The following PRKN variants were observed in gnomAD, a reference collection of about 807,000 sequenced individuals.
PRKN encodes parkin RBR E3 ubiquitin protein ligase.
In PRKN, 56 loss-of-function variants were observed where a neutral mutation model predicts 59.5. The ratio of observed to expected loss-of-function variants is 0.94; its 90% confidence interval spans 0.76 to 1.18. The LOEUF (loss-of-function observed/expected upper bound fraction) is 1.18, where lower values mean the gene tolerates loss of function less well. Ranked by LOEUF, PRKN falls within the 50% of genes most tolerant of loss-of-function variation. The pLI is 0.00. For missense variants in PRKN, 657 were observed against 596.4 expected (o/e 1.10, Z -1.06); for synonymous variants, 250 against 222.1 (o/e 1.13, Z -1.12).
intron 1 of PRKN, among the ~76,000 whole-genome samples, chr6:162,599,829 G>A (rs1452979548): frequency 1.3e-5 from 2 of 152,124 alleles, no homozygotes; most frequent in Admixed American, 6.6e-5. Context: ...ATGATGAAAA[G>A]TCTTCTAGAA....
At chr6:162,605,790 C>A (rs1781890896) in intron 1 of PRKN, among the ~76,000 whole-genome samples, 1 of 152,118 alleles carries the variant, frequency 6.6e-6, no homozygotes, top group South Asian at 2.1e-4. Flanking sequence ...CTTGTACAAA[C>A]ATTTTACAAT....
At chr6:162,727,229 C>T (rs746657540) in intron 1 of PRKN, 2 of 173,818 alleles carry the variant, frequency 1.2e-5, no homozygotes, top group African/African-American at 2.4e-5. Flanking sequence ...AAGAGCCCCA[C>T]AGAGAGTGGG....
At chr6:162,011,399 T>TG (rs1782685351) in intron 5 of PRKN, among the ~76,000 whole-genome samples, 2 of 15,874 alleles carry the variant, frequency 1.3e-4, no homozygotes, top group Non-Finnish European at 9.4e-5. Context: ...ATATATATTA[T>TG]AAATATATAA....
chr6:162,158,061 G>T (rs760786297), intron 4 of PRKN, among the ~76,000 whole-genome samples: 45 of 152,084 alleles, frequency 3.0e-4, no homozygotes, highest in Non-Finnish European at 3.1e-4. Context: ...TCATGAAATA[G>T]AGTATAATTG....
intron 3 of PRKN, among the ~76,000 whole-genome samples, chr6:162,248,049 C>T (rs1779270078): frequency 1.3e-5 from 2 of 152,154 alleles, no homozygotes; most frequent in African/African-American, 4.8e-5. Context: ...CTCCCACAGG[C>T]TCCCTGGAGA....
At chr6:161,941,237 G>A (rs1425179496) in intron 6 of PRKN, among the ~76,000 whole-genome samples, 1 of 152,128 alleles carries the variant, frequency 6.6e-6, no homozygotes, top group Non-Finnish European at 1.5e-5. Context: ...TAAAAACCCT[G>A]AGAGCCTAGC....
chr6:162,022,123 T>C (rs1156791457), intron 5 of PRKN, among the ~76,000 whole-genome samples: 1 of 152,190 alleles, frequency 6.6e-6, no homozygotes, highest in Non-Finnish European at 1.5e-5. Flanking sequence ...GTTGATTTCA[T>C]TACTTTGCTA....
At chr6:161,977,534 TTTTTTTGG>T (rs1253356391) in intron 5 of PRKN, among the ~76,000 whole-genome samples, 119 of 95,714 alleles carry the variant, frequency 1.2e-3, no homozygotes, top group African/African-American at 2.1e-3. Context: ...CTACTTTCTG[TTTTTTTGG>T]TTTTTTTTTT....
At chr6:162,259,971 G>A (rs148824236) in intron 3 of PRKN, among the ~76,000 whole-genome samples, 2 of 152,316 alleles carry the variant, frequency 1.3e-5, no homozygotes, top group East Asian at 1.9e-4. Flanking sequence ...TTGTAGTTTA[G>A]CTGTTAGTTT....
At chr6:162,210,854 G>C (rs995477856) in intron 3 of PRKN, among the ~76,000 whole-genome samples, 6 of 152,014 alleles carry the variant, frequency 3.9e-5, no homozygotes, top group African/African-American at 7.2e-5. Flanking sequence ...CAAAATAAAA[G>C]CTTTTTTTAT....
chr6:162,088,227 T>C (rs1039932631), intron 4 of PRKN, among the ~76,000 whole-genome samples: 1 of 152,172 alleles, frequency 6.6e-6, no homozygotes, highest in African/African-American at 2.4e-5. Context: ...TAAATGTCCC[T>C]GAAAGTTTCT....
At chr6:162,593,398 C>G (rs1490458737) in intron 1 of PRKN, among the ~76,000 whole-genome samples, 1 of 152,174 alleles carries the variant, frequency 6.6e-6, no homozygotes, top group African/African-American at 2.4e-5. Flanking sequence ...TGCTACATAT[C>G]TGGAAAACAA....
intron 1 of PRKN, chr6:162,569,173 A>G: frequency 8.5e-6 from 5 of 589,686 alleles, no homozygotes. Context: ...AAGTATAAGG[A>G]GCTGCAGATG....
At chr6:162,055,226 G>C (rs1777809712) in intron 4 of PRKN, among the ~76,000 whole-genome samples, 1 of 152,110 alleles carries the variant, frequency 6.6e-6, no homozygotes, top group Non-Finnish European at 1.5e-5. Flanking sequence ...GAGGGCACAG[G>C]GGATCAGGAG....
chr6:161,829,524 T>A (rs987171485), intron 6 of PRKN, among the ~76,000 whole-genome samples: 3 of 152,096 alleles, frequency 2.0e-5, no homozygotes, highest in African/African-American at 7.2e-5. Context: ...CAGACTGACA[T>A]GAATTGAAAC....
chr6:162,554,104 C>T (rs1251326483), intron 1 of PRKN, among the ~76,000 whole-genome samples: 1 of 151,970 alleles, frequency 6.6e-6, no homozygotes, highest in Non-Finnish European at 1.5e-5. Flanking sequence ...TGAGAGTGTT[C>T]GATGAGAATA....
chr6:161,687,629 GTATT>G (rs1583006554), intron 7 of PRKN, among the ~76,000 whole-genome samples: 2 of 149,566 alleles, frequency 1.3e-5, no homozygotes, highest in East Asian at 2.0e-4. Flanking sequence ...GCTAATTTTT[GTATT>G]TTTAATAGAG....
intron 4 of PRKN, among the ~76,000 whole-genome samples, chr6:162,093,915 G>A (rs1779617559): frequency 6.6e-6 from 1 of 152,114 alleles, no homozygotes; most frequent in African/African-American, 2.4e-5. Context: ...TAAAAGAAAG[G>A]ATGGACACAT....
At chr6:161,832,345 C>T (rs993335091) in intron 6 of PRKN, among the ~76,000 whole-genome samples, 4 of 151,930 alleles carry the variant, frequency 2.6e-5, no homozygotes, top group African/African-American at 7.3e-5. Flanking sequence ...CAATATCGGC[C>T]GGGTGGGGTG....
Sources: gnomAD v4.1 joint callset for allele counts (sites outside exome capture counted in the v4.1 genomes callset) on GRCh38, gnomAD v4.1.1 for gene constraint, MANE v1.5 for transcripts, NCBI Gene and HGNC (gene_info 2026-07-23, HGNC 2026-07-21) for gene names.